The following LRBA variants were observed in gnomAD, a reference collection of about 807,000 sequenced individuals.
The protein encoded by LRBA is LPS responsive beige-like anchor protein, also known as lipopolysaccharide-responsive and beige-like anchor protein.
Under a neutral mutation model 330.0 loss-of-function variants are expected in LRBA, and 176 were observed. The observed-to-expected ratio is 0.53, with a 90% CI of 0.47 to 0.60. The LOEUF is 0.60. LRBA is among the 20% of genes least tolerant of loss of function. LRBA has a pLI of 0.00. For missense variants in LRBA, 3,259 were observed against 3,444.8 expected (o/e 0.95, Z 1.35); for synonymous variants, 1,230 against 1,193.0 (o/e 1.03, Z -0.64).
At chr4:150,410,668 T>G (rs1289483179) in intron 47 of LRBA, among the ~76,000 whole-genome samples, 1 of 152,150 alleles carries the variant, frequency 6.6e-6, no homozygotes, top group Non-Finnish European at 1.5e-5. Flanking sequence ...AATCTCCAAA[T>G]AGGGATATTG....
intron 2 of LRBA, among the ~76,000 whole-genome samples, chr4:150,988,867 G>T (rs1025472472): frequency 6.6e-6 from 1 of 151,870 alleles, no homozygotes. Context: ...GTGAACCACC[G>T]TGCCCAGCCA....
intron 28 of LRBA, among the ~76,000 whole-genome samples, chr4:150,833,563 C>A (rs149043288): frequency 2.0e-5 from 3 of 152,158 alleles, no homozygotes; most frequent in African/African-American, 7.2e-5. Context: ...ATACTGTAAT[C>A]TATTAATTGT....
chr4:150,554,194 C>T (rs376678267), intron 40 of LRBA, among the ~76,000 whole-genome samples: 16 of 152,156 alleles, frequency 1.1e-4, no homozygotes, highest in African/African-American at 3.6e-4. Flanking sequence ...CCAATTTTGC[C>T]AGGGTCTGAC....
At chr4:150,619,750 C>T (rs1776119498) in intron 37 of LRBA, among the ~76,000 whole-genome samples, 1 of 151,838 alleles carries the variant, frequency 6.6e-6, no homozygotes, top group Middle Eastern at 3.2e-3. Context: ...AAGCTTCTAG[C>T]ACAAGAAGAA....
At chr4:150,759,117 T>C (rs1734726499) in intron 35 of LRBA, among the ~76,000 whole-genome samples, 1 of 152,170 alleles carries the variant, frequency 6.6e-6, no homozygotes, top group African/African-American at 2.4e-5. Context: ...AGTTTCACCA[T>C]GTTGCCCAGG....
At chr4:150,659,722 G>A (rs1227387331) in intron 37 of LRBA, among the ~76,000 whole-genome samples, 21 of 7,396 alleles carry the variant, frequency 2.8e-3, no homozygotes, top group East Asian at 0.022. Context: ...CGGGAGGGAG[G>A]TGGGGGGGTC....
intron 36 of LRBA, among the ~76,000 whole-genome samples, chr4:150,702,916 T>C (rs992792392): frequency 3.3e-5 from 5 of 152,132 alleles, no homozygotes; most frequent in African/African-American, 1.2e-4. Context: ...TCCCAACACT[T>C]TGGGAGGCCA....
intron 53 of LRBA, 113 bp downstream of exon 53, chr4:150,302,512 A>T (rs1181815264): frequency 3.6e-6 from 2 of 548,194 alleles, no homozygotes; most frequent in African/African-American, 3.9e-5. Context: ...TAATAAATAA[A>T]AAATACTTGA....
chr4:150,360,753 G>C (rs1738573439), intron 47 of LRBA, among the ~76,000 whole-genome samples: 1 of 152,174 alleles, frequency 6.6e-6, no homozygotes, highest in Admixed American at 6.5e-5. Flanking sequence ...GTGAAGAATG[G>C]CTACACCTTA....
chr4:150,837,295 T>C (rs1465592459), intron 28 of LRBA, among the ~76,000 whole-genome samples: 1 of 152,226 alleles, frequency 6.6e-6, no homozygotes, highest in Non-Finnish European at 1.5e-5. Flanking sequence ...GAGAGTTCTG[T>C]AGATGTCTAT....
chr4:150,675,740 ATAAT>A (rs1281096499), intron 37 of LRBA, among the ~76,000 whole-genome samples: 3 of 151,834 alleles, frequency 2.0e-5, no homozygotes, highest in Non-Finnish European at 1.5e-5. Flanking sequence ...AATTAATTAA[ATAAT>A]TAATTAAATA....
At chr4:150,274,853 T>C (rs1746556807) in intron 56 of LRBA, among the ~76,000 whole-genome samples, 1 of 152,016 alleles carries the variant, frequency 6.6e-6, no homozygotes, top group African/African-American at 2.4e-5. Context: ...CTACCAGAGG[T>C]ACAAAAAGGA....
intron 37 of LRBA, among the ~76,000 whole-genome samples, chr4:150,601,607 C>T (rs1201019763): frequency 3.3e-5 from 5 of 152,044 alleles, no homozygotes; most frequent in Non-Finnish European, 7.4e-5. Flanking sequence ...AGAATTTGTT[C>T]ACATAATAGA....
At chr4:150,968,566 C>A (rs1739165152) in intron 2 of LRBA, among the ~76,000 whole-genome samples, 1 of 152,182 alleles carries the variant, frequency 6.6e-6, no homozygotes. Flanking sequence ...TAACTCTCTT[C>A]AATTTTATGA....
chr4:150,641,179 C>G (rs1261761294), intron 37 of LRBA, among the ~76,000 whole-genome samples: 1 of 152,126 alleles, frequency 6.6e-6, no homozygotes, highest in African/African-American at 2.4e-5. Context: ...AGACTTTTTA[C>G]CATACACATT....
At chr4:150,300,436 G>A (rs1158719249) in intron 53 of LRBA, among the ~76,000 whole-genome samples, 2 of 151,956 alleles carry the variant, frequency 1.3e-5, no homozygotes, top group African/African-American at 4.8e-5. Flanking sequence ...GATGAAGTAC[G>A]CTATGAAAAA....
At chr4:150,960,490 C>T (rs1286256315) in intron 2 of LRBA, among the ~76,000 whole-genome samples, 2 of 148,912 alleles carry the variant, frequency 1.3e-5, no homozygotes, top group African/African-American at 2.6e-5. Flanking sequence ...ACTTAAAAAA[C>T]GTGTTTTTTA....
chr4:150,539,020 G>A (rs1765013247), intron 40 of LRBA, among the ~76,000 whole-genome samples: 1 of 151,770 alleles, frequency 6.6e-6, no homozygotes, highest in Non-Finnish European at 1.5e-5. Flanking sequence ...TTGTCACCCA[G>A]GCTGGAGTGC....
intron 40 of LRBA, among the ~76,000 whole-genome samples, chr4:150,532,484 T>C (rs1764147692): frequency 6.6e-6 from 1 of 152,098 alleles, no homozygotes; most frequent in Non-Finnish European, 1.5e-5. Flanking sequence ...AAGAGCCTTA[T>C]CTCTTAGAAC....
Sources: gnomAD v4.1 joint callset for allele counts (sites outside exome capture counted in the v4.1 genomes callset) on GRCh38, gnomAD v4.1.1 for gene constraint, MANE v1.5 for transcripts, NCBI Gene and HGNC (gene_info 2026-07-23, HGNC 2026-07-21) for gene names.